RTTN: variants seen among roughly 807,000 people sequenced by gnomAD.
The protein encoded by RTTN is rotatin.
Under a neutral mutation model 269.2 loss-of-function variants are expected in RTTN, and 182 were observed. That is an observed-to-expected ratio of 0.68 (90% CI 0.60 to 0.76). RTTN has a LOEUF of 0.76. Ranked by LOEUF, RTTN falls within the 30% of genes least tolerant of loss-of-function variation. RTTN has a pLI of 0.00. For missense variants in RTTN, 2,545 were observed against 2,608.6 expected (o/e 0.98, Z 0.53); for synonymous variants, 1,006 against 963.5 (o/e 1.04, Z -0.82).
At chr18:70,100,322 A>G (rs2145335279) in intron 28 of RTTN, among the ~76,000 whole-genome samples, 1 of 152,182 alleles carries the variant, frequency 6.6e-6, no homozygotes. Flanking sequence ...ATTCCTAGGT[A>G]TTTTATTCTC....
chr18:70,203,352 G>C (rs1193921971), intron 3 of RTTN, among the ~76,000 whole-genome samples: 1 of 152,048 alleles, frequency 6.6e-6, no homozygotes, highest in African/African-American at 2.4e-5. Flanking sequence ...ACAGGCGCCC[G>C]CCACTATGTC....
intron 32 of RTTN, among the ~76,000 whole-genome samples, chr18:70,077,068 T>C (rs2058447008): frequency 6.6e-6 from 1 of 151,842 alleles, no homozygotes; most frequent in African/African-American, 2.4e-5. Context: ...AGGGAAGGAA[T>C]TAACAAATAA....
At position 70,075,630 on chromosome 18, in the gene RTTN, A is replaced by G. The variant is rs115381997; in HGVS notation, c.4375-89T>C. The G allele has an allele frequency of 3.7e-3, 3,916 of 1,049,100 alleles. 109 individuals are homozygous for G. In the African/African-American group the frequency reaches 0.058, roughly 15 times the overall value. The allele number at this position is 1,049,100 out of a possible 1,614,324, so 65.0% of individuals were successfully genotyped here. On this transcript the variant is annotated intron_variant, in intron 32 of 48. Transcript: ENST00000640769. Reference sequence around the variant, plus strand: ...CCATTGTCTCCTCTCGAGGAAACAAATGGGTCCCAGATGCTCCCATCTCCT... The same window carrying G: ...CCATTGTCTCCTCTCGAGGAAACAAGTGGGTCCCAGATGCTCCCATCTCCT...
At chr18:70,028,458 C>G (rs564129389) in intron 43 of RTTN, among the ~76,000 whole-genome samples, 1 of 152,220 alleles carries the variant, frequency 6.6e-6, no homozygotes, top group Admixed American at 6.6e-5. Context: ...CACATCCAGC[C>G]ATTCATTCCA....
intron 28 of RTTN, among the ~76,000 whole-genome samples, chr18:70,103,299 A>C (rs568234047): frequency 7.4e-4 from 112 of 152,098 alleles, no homozygotes; most frequent in Non-Finnish European, 1.3e-3. Context: ...TGACTATGGC[A>C]GTTTTGTCAA....
chr18:70,152,061 C>A (rs1216384989), intron 14 of RTTN, among the ~76,000 whole-genome samples: 3 of 152,200 alleles, frequency 2.0e-5, no homozygotes, highest in Non-Finnish European at 4.4e-5. Flanking sequence ...GTGTTCATCT[C>A]TGTTCTCATG....
intron 47 of RTTN, 93 bp from the exon 48 acceptor site, chr18:70,005,360 C>A: frequency 1.3e-6 from 1 of 759,232 alleles, no homozygotes; most frequent in South Asian, 1.8e-5. Flanking sequence ...CAGTATTAAA[C>A]AGAATATTAT....
Position 70,020,768 on chromosome 18 carries a change from A to G in RTTN, c.6000T>C (p.Ala2000=), listed in dbSNP as rs1363269479. 2 of 1,614,002 alleles carry G rather than the reference A, an allele frequency of 1.2e-6. No homozygotes were observed. The highest frequency in any genetic ancestry group is 1.7e-6 in the Non-Finnish European group (2 of 1,179,882). Residue 2000 remains alanine, a synonymous_variant, in exon 45 of 49, where the codon GCT becomes GCC. Coordinates refer to ENST00000640769, the MANE Select transcript of RTTN (RefSeq NM_173630.4). Reference sequence around the variant, plus strand: ...AGTTGCTCACGGCTCCTCTATGTGTAGCTTGAACAGGGTGTTGTCCACAAC... The same window carrying G: ...AGTTGCTCACGGCTCCTCTATGTGTGGCTTGAACAGGGTGTTGTCCACAAC... ...WSSCGQHPVQ[A]THRGAVSNSL...
chr18:70,019,456 T>C (rs1290467981), intron 45 of RTTN: 1 of 152,222 alleles, frequency 6.6e-6, no homozygotes, highest in Non-Finnish European at 1.5e-5. Context: ...AAGTGATGCA[T>C]GTATATGAAT....
intron 25 of RTTN, among the ~76,000 whole-genome samples, chr18:70,127,105 A>G (rs535585547): frequency 2.4e-4 from 37 of 152,150 alleles, no homozygotes; most frequent in Non-Finnish European, 4.4e-4. Context: ...AAAATGATAT[A>G]ATTTACTTAA....
At chr18:70,091,260 T>C (rs574883436) in intron 30 of RTTN, among the ~76,000 whole-genome samples, 1 of 152,242 alleles carries the variant, frequency 6.6e-6, no homozygotes, top group Non-Finnish European at 1.5e-5. Context: ...GGCTCAGGGA[T>C]GGAAAACTAT....
chr18:70,055,061 A>G (rs1185933974), intron 37 of RTTN, among the ~76,000 whole-genome samples: 1 of 152,210 alleles, frequency 6.6e-6, no homozygotes, highest in Non-Finnish European at 1.5e-5. Flanking sequence ...ATTATTAATT[A>G]TAAAAGAAAA....
intron 14 of RTTN, among the ~76,000 whole-genome samples, chr18:70,158,853 C>T (rs1190508749): frequency 1.3e-5 from 2 of 152,030 alleles, no homozygotes; most frequent in African/African-American, 4.8e-5. Context: ...TAAAGAAAGG[C>T]ATTACATAAT....
At chr18:70,193,140 G>T in intron 8 of RTTN, 148 bp downstream of exon 8, 1 of 686,546 alleles carries the variant, frequency 1.5e-6, no homozygotes. Flanking sequence ...TATGAAGCCA[G>T]GGTTTAACAC....
rs75895421 is a variant in RTTN, at chr18:70,040,703, T to C, written c.5541+7268A>G. On this transcript the variant is annotated intron_variant, in intron 40 of 48. Transcript: ENST00000640769. Reference sequence around the variant, plus strand: ...TCTCCTCAGCATATGGATCATTCTGTAGGATATTCCATATGTTAGGTTCAC... The same window carrying C: ...TCTCCTCAGCATATGGATCATTCTGCAGGATATTCCATATGTTAGGTTCAC... Among the ~76,000 whole-genome samples the C allele has an allele frequency of 7.0e-3, 1,061 of 152,322 alleles. 9 individuals are homozygous for C. The highest frequency in any genetic ancestry group is 0.024 in the African/African-American group (997 of 41,558).
chr18:70,187,761 G>A (rs990173988), intron 10 of RTTN, among the ~76,000 whole-genome samples: 20 of 152,166 alleles, frequency 1.3e-4, no homozygotes, highest in African/African-American at 3.6e-4. Flanking sequence ...TTCTACAAGC[G>A]CAAGGATAAG....
chr18:70,084,994 C>T (rs1189152744), intron 32 of RTTN, among the ~76,000 whole-genome samples: 2 of 152,096 alleles, frequency 1.3e-5, no homozygotes, highest in East Asian at 3.8e-4. Flanking sequence ...CATAATGTCC[C>T]AGGAACTTTA....
chr18:70,204,770 T>C (rs1029588028), intron 2 of RTTN, among the ~76,000 whole-genome samples: 4 of 152,240 alleles, frequency 2.6e-5, no homozygotes, highest in Admixed American at 6.5e-5. Context: ...ATCACGGTTA[T>C]GTAACATTAT....
chr18:70,063,962 A>G lies in RTTN; in HGVS notation c.4747+1867T>C, dbSNP rs1438783745. On this transcript the variant is annotated intron_variant, in intron 35 of 48. Coordinates refer to ENST00000640769, the MANE Select transcript of RTTN (RefSeq NM_173630.4). ...TTTCTGTGGGTATTCTTTCTTTTAT[A>G]TGCTTTTTTTTTTTTTTTTGGTCAT... Among the ~76,000 whole-genome samples, 5 of 97,616 alleles carry G rather than the reference A, an allele frequency of 5.1e-5. No homozygotes were observed. The Admixed American group carries it at 7.2e-4, about 14-fold the overall frequency. 64.0% of individuals were successfully genotyped at this position (97,616 alleles called of 152,430 possible). A position where few individuals can be genotyped will look rare whatever the true frequency, so the allele number is the denominator to read the frequency against.
Sources: allele counts gnomAD v4.1 joint callset (sites outside exome capture counted in the v4.1 genomes callset), GRCh38; gene constraint gnomAD v4.1.1; transcripts MANE v1.5; gene names NCBI Gene and HGNC (gene_info 2026-07-23, HGNC 2026-07-21).